NSD2: variants seen among roughly 807,000 people sequenced by gnomAD.
The protein encoded by NSD2 is histone-lysine N-methyltransferase NSD2.
Under a neutral mutation model 139.0 loss-of-function variants are expected in NSD2, and 12 were observed. The ratio of observed to expected loss-of-function variants is 0.09; its 90% CI spans 0.06 to 0.14. The LOEUF is 0.14. Ranked by LOEUF, NSD2 falls within the 10% of genes least tolerant of loss-of-function variation. NSD2 has a pLI of 1.00. For synonymous variants in NSD2, 669 were observed against 648.7 expected, an observed-to-expected ratio of 1.03 and a Z score of -0.48; for missense variants, 1,155 against 1,745.0, an observed-to-expected ratio of 0.66 and a Z score of 6.02.
intron 3 of NSD2, 30 bp from the exon 4 acceptor site, chr4:1,916,841 C>T: frequency 1.3e-6 from 2 of 1,578,670 alleles, no homozygotes; most frequent in Non-Finnish European, 1.7e-6. Context: ...TTCTAACTTT[C>T]ATTCTCTAAC....
intron 1 of NSD2, among the ~76,000 whole-genome samples, chr4:1,876,853 C>G (rs1714299820): frequency 6.6e-6 from 1 of 151,984 alleles, no homozygotes; most frequent in Non-Finnish European, 1.5e-5. Flanking sequence ...ATGCCGTTTG[C>G]TGGTGCGGTG....
chr4:1,952,816 T>C lies in NSD2; in HGVS notation c.2138-508T>C, dbSNP rs1724418046. 4 of 1,198,470 alleles carry C rather than the reference T, an allele frequency of 3.3e-6. No homozygotes were observed. In the South Asian group the frequency reaches 8.0e-5, roughly 24 times the overall value. The allele number at this position is 1,198,470 out of a possible 1,614,324, so 74.2% of individuals were successfully genotyped here. A position where few individuals can be genotyped will look rare whatever the true frequency, so the allele number is the denominator to read the frequency against. On this transcript the variant is annotated intron_variant, in intron 11 of 21. Coordinates refer to ENST00000508803, the MANE Select transcript of NSD2 (RefSeq NM_001042424.3). ...GAGGACACCTGCACAGCCGTGGCCC[T>C]TCCTGCCTACTCACCGGGCCCAAGG...
intron 3 of NSD2, among the ~76,000 whole-genome samples, chr4:1,912,955 C>T (rs1247512333): frequency 6.6e-6 from 1 of 151,902 alleles, no homozygotes; most frequent in Non-Finnish European, 1.5e-5. Context: ...ACAGGCTGTT[C>T]CAGTATAATA....
Position 1,871,498 on chromosome 4 carries a change from C to T in NSD2, c.-74C>T, listed in dbSNP as rs1310855015. On this transcript the variant is annotated 5_prime_UTR_variant, in exon 1 of 22. Transcript: ENST00000508803. ...CGCACGGCCCCGGCCCCCTCCCAGC[C>T]TGCCGCTCCGGAGAGCCGCCCGCCG... is the stretch of plus-strand genomic sequence containing the variant. 6.6e-6 allele frequency: 1 copy of T among 150,850 alleles called. No homozygotes were observed. The highest frequency in any genetic ancestry group is 1.5e-5 in the Non-Finnish European group (1 of 67,370). 9.3% of individuals were successfully genotyped at this position (150,850 alleles called of 1,614,324 possible).
chr4:1,897,348 G>T (rs1716492210), intron 1 of NSD2, among the ~76,000 whole-genome samples: 1 of 152,110 alleles, frequency 6.6e-6, no homozygotes, highest in South Asian at 2.1e-4. Flanking sequence ...AGCTGAGCAT[G>T]GTGGGGTGCA....
At chr4:1,961,772 A>G (rs913293352) in intron 18 of NSD2, among the ~76,000 whole-genome samples, 3 of 152,208 alleles carry the variant, frequency 2.0e-5, no homozygotes, top group East Asian at 1.9e-4. Context: ...GGCTCCTTCA[A>G]TGGCCACAGC....
At chr4:1,898,447 G>A (rs1328256175) in intron 1 of NSD2, among the ~76,000 whole-genome samples, 2 of 152,044 alleles carry the variant, frequency 1.3e-5, no homozygotes, top group Non-Finnish European at 2.9e-5. Context: ...GGCGGATCAC[G>A]AAGTCAGGAG....
Position 1,948,427 on chromosome 4 carries a change from G to A in NSD2, c.1882-2645G>A. The A allele has an allele frequency of 9.4e-7, 1 of 1,066,346 alleles. No individual in the cohort carries two copies. The allele number at this position is 1,066,346 out of a possible 1,614,324, so 66.1% of individuals were successfully genotyped here. On this transcript the variant is annotated intron_variant, in intron 9 of 21. Coordinates refer to ENST00000508803, the MANE Select transcript of NSD2 (RefSeq NM_001042424.3). The surrounding 1 kb of genome is among the most constrained non-coding windows in gnomAD (Gnocchi z 4.5). The stretch of plus-strand genomic sequence containing the variant: ...ACGTCACCTGGTGCGTGGAGGTGGA[G>A]CCTGCGGCTGGAGTAAGGCTTGCTG...
chr4:1,916,410 A>C (rs1296076542), intron 3 of NSD2, among the ~76,000 whole-genome samples: 1 of 151,888 alleles, frequency 6.6e-6, no homozygotes, highest in African/African-American at 2.4e-5. Flanking sequence ...CAGTGGTATG[A>C]TCTTGGCTCA....
chr4:1,948,826 A>C lies in NSD2; in HGVS notation c.1882-2246A>C, dbSNP rs1560737739. On this transcript the variant is annotated intron_variant, in intron 9 of 21. Transcript: ENST00000508803. This position sits in a 1 kb window ranked among gnomAD's most constrained non-coding sequence, Gnocchi z 4.5. ...GTGCTGTTCCTTCCTCTGACCCAGGACTGCTTTGTGTTTTCTGTCTTTCTC... is the reference window on the plus strand; with the variant it reads ...GTGCTGTTCCTTCCTCTGACCCAGGCCTGCTTTGTGTTTTCTGTCTTTCTC... The C allele has an allele frequency of 2.0e-6, 2 of 1,024,370 alleles. No homozygotes were observed. The highest frequency in any genetic ancestry group is 2.3e-6 in the Non-Finnish European group (2 of 851,838). The allele number at this position is 1,024,370 out of a possible 1,614,324, so 63.5% of individuals were successfully genotyped here.
intron 4 of NSD2, among the ~76,000 whole-genome samples, chr4:1,917,428 T>G (rs1719539581): frequency 6.6e-6 from 1 of 152,176 alleles, no homozygotes; most frequent in Admixed American, 6.6e-5. Flanking sequence ...AAGTTTTTAT[T>G]TCTATTATTT....
chr4:1,977,811 A>G (rs1241738926), intron 21 of NSD2, among the ~76,000 whole-genome samples: 2 of 149,680 alleles, frequency 1.3e-5, no homozygotes, highest in African/African-American at 4.9e-5. Flanking sequence ...AAAACCAAAC[A>G]AACAAAAAAC....
chr4:1,871,448 C>A lies in NSD2; in HGVS notation c.-124C>A. On this transcript the variant is annotated 5_prime_UTR_variant, in exon 1 of 22. Coordinates refer to ENST00000508803, the MANE Select transcript of NSD2 (RefSeq NM_001042424.3). The stretch of plus-strand genomic sequence containing the variant: ...GCGCTGCGCCCGCCGCCGCCGCCGC[C>A]CCCTCCCCGCCTGGGCCCTACCGCC... The A allele has an allele frequency of 6.8e-6, 1 of 148,114 alleles. No homozygotes were observed. The highest frequency in any genetic ancestry group is 1.8e-4 in the South Asian group (1 of 5,524). 9.2% of individuals were successfully genotyped at this position (148,114 alleles called of 1,614,324 possible). A position where few individuals can be genotyped will look rare whatever the true frequency, so the allele number is the denominator to read the frequency against.
intron 1 of NSD2, among the ~76,000 whole-genome samples, chr4:1,876,812 G>C (rs200582438): frequency 1.1e-4 from 16 of 152,260 alleles, no homozygotes; most frequent in East Asian, 7.7e-4. Flanking sequence ...AGTTGGCACT[G>C]AGAGAGTTGA....
At chr4:1,965,051 C>CAAAAAAAA (rs555374240) in intron 18 of NSD2, among the ~76,000 whole-genome samples, 3 of 47,174 alleles carry the variant, frequency 6.4e-5, no homozygotes, top group African/African-American at 7.6e-5. Context: ...CAGTGTTCAG[C>CAAAAAAAA]AAAAAAAAAA....
chr4:1,947,314 G>A, intron 9 of NSD2: 2 of 1,062,182 alleles, frequency 1.9e-6, no homozygotes, highest in Non-Finnish European at 2.3e-6. Context: ...CTGGCCACAG[G>A]TGACACTTGG....
At position 1,981,752 on chromosome 4, in the gene NSD2, C is replaced by T; in HGVS notation, c.*2843C>T. On this transcript the variant is annotated 3_prime_UTR_variant, in exon 22 of 22. Coordinates refer to ENST00000508803, the MANE Select transcript of NSD2 (RefSeq NM_001042424.3). ...TGCAGTGCCCATCTTCCAGGACTAC[C>T]TTATTTTCCAGAATTAAACCTGTTT... is the stretch of plus-strand genomic sequence containing the variant. 1 of 397,616 alleles carries T rather than the reference C, an allele frequency of 2.5e-6. No individual in the cohort carries two copies. The highest frequency in any genetic ancestry group is 4.4e-6 in the Non-Finnish European group (1 of 225,706). The allele number at this position is 397,616 out of a possible 1,614,324, so 24.6% of individuals were successfully genotyped here. A position where few individuals can be genotyped will look rare whatever the true frequency, so the allele number is the denominator to read the frequency against.
chr4:1,872,613 A>AGAGAGAGAGAGAGAGG (rs1713922561), intron 1 of NSD2, among the ~76,000 whole-genome samples: 2 of 143,768 alleles, frequency 1.4e-5, no homozygotes, highest in African/African-American at 2.6e-5. Context: ...AGAGAGAGAG[A>AGAGAGAGAGAGAGAGG]GAGAGAGAGA....
intron 10 of NSD2, among the ~76,000 whole-genome samples, chr4:1,951,565 G>A (rs922940212): frequency 1.3e-5 from 2 of 148,344 alleles, no homozygotes; most frequent in Non-Finnish European, 3.0e-5. Context: ...GCCTGTTTTA[G>A]CTTCACTGAT....
Sources: allele counts gnomAD v4.1 joint callset (sites outside exome capture counted in the v4.1 genomes callset), GRCh38; gene constraint gnomAD v4.1.1; non-coding constraint Gnocchi (gnomAD v3.1); transcripts MANE v1.5; gene names NCBI Gene and HGNC (gene_info 2026-07-23, HGNC 2026-07-21).